The following FRMD4B variants were observed in gnomAD, a reference collection of about 807,000 sequenced individuals.
FRMD4B encodes the protein FERM domain-containing protein 4B.
Under a neutral mutation model 141.5 loss-of-function variants are expected in FRMD4B, and 74 were observed. The observed-to-expected ratio is 0.52, with a 90% CI of 0.43 to 0.63. The LOEUF (loss-of-function observed/expected upper bound fraction) is 0.63, where lower values mean the gene tolerates loss of function less well. Ranked by LOEUF, FRMD4B falls within the 30% of genes least tolerant of loss-of-function variation. FRMD4B has a pLI of 0.00. For synonymous variants in FRMD4B, 506 were observed against 467.9 expected (o/e 1.08, Z -1.05); for missense variants, 1,366 against 1,253.4 (o/e 1.09, Z -1.36).
At chr3:69,331,948 C>T (rs780068041) in intron 1 of FRMD4B, among the ~76,000 whole-genome samples, 2 of 152,082 alleles carry the variant, frequency 1.3e-5, no homozygotes, top group South Asian at 2.1e-4. Flanking sequence ...ATTAGCCTAG[C>T]GCAGTGGCTG....
intron 10 of FRMD4B, among the ~76,000 whole-genome samples, chr3:69,218,082 C>T (rs529235429): frequency 1.3e-5 from 2 of 152,226 alleles, no homozygotes; most frequent in Admixed American, 6.5e-5. Context: ...AGGTGACCAA[C>T]TGGAAAAAAG....
At chr3:69,300,480 G>A (rs147180568) in intron 4 of FRMD4B, among the ~76,000 whole-genome samples, 5 of 152,308 alleles carry the variant, frequency 3.3e-5, no homozygotes, top group Non-Finnish European at 5.9e-5. Flanking sequence ...AACCTGCTTG[G>A]AGAAGATAGA....
chr3:69,194,094 G>A (rs532556591), intron 16 of FRMD4B, among the ~76,000 whole-genome samples: 1 of 152,268 alleles, frequency 6.6e-6, no homozygotes, highest in South Asian at 2.1e-4. Flanking sequence ...TTCAAGGAAG[G>A]GAATGGCCTT....
intron 1 of FRMD4B, among the ~76,000 whole-genome samples, chr3:69,455,853 C>T (rs1370650648): frequency 6.6e-6 from 1 of 152,176 alleles, no homozygotes; most frequent in Non-Finnish European, 1.5e-5. Context: ...AAACAGACCA[C>T]AGGGCTGGCA....
intron 1 of FRMD4B, among the ~76,000 whole-genome samples, chr3:69,528,550 G>T (rs1486831800): frequency 1.3e-5 from 2 of 151,972 alleles, no homozygotes; most frequent in South Asian, 2.1e-4. Flanking sequence ...ATTTTTAGTA[G>T]AGATGGGGTT....
intron 1 of FRMD4B, among the ~76,000 whole-genome samples, chr3:69,522,643 T>G (rs1217972876): frequency 1.3e-5 from 2 of 152,110 alleles, no homozygotes; most frequent in African/African-American, 2.4e-5. Context: ...GCCAGTCAAG[T>G]ATGCATGTCC....
chr3:69,194,903 A>G (rs1182598656), intron 16 of FRMD4B, 119 bp downstream of exon 16: 2 of 871,678 alleles, frequency 2.3e-6, no homozygotes, highest in Non-Finnish European at 3.5e-6. Context: ...TACACGATCC[A>G]TCTGTACTGG....
chr3:69,283,089 A>C (rs1003547526), intron 5 of FRMD4B, among the ~76,000 whole-genome samples: 1 of 152,148 alleles, frequency 6.6e-6, no homozygotes, highest in Non-Finnish European at 1.5e-5. Flanking sequence ...TCCCATTTAG[A>C]AAGGAGCTCC....
chr3:69,356,492 C>A (rs1414790962), intron 1 of FRMD4B, among the ~76,000 whole-genome samples: 1 of 151,952 alleles, frequency 6.6e-6, no homozygotes, highest in Non-Finnish European at 1.5e-5. Context: ...GACTGGCTCT[C>A]CTTGCTCCTC....
chr3:69,196,602 C>G, intron 13 of FRMD4B: 1 of 586,158 alleles, frequency 1.7e-6, no homozygotes, highest in South Asian at 2.2e-5. Context: ...ACGTGATTTT[C>G]TCATGGTGTG....
Position 69,180,980 on chromosome 3 carries a change from T to C in FRMD4B, c.2770A>G (p.Arg924Gly), listed in dbSNP as rs530066916. The C allele has an allele frequency of 1.2e-6, 2 of 1,614,016 alleles. No individual in the cohort carries two copies. Among genetic ancestry groups the C allele is most frequent in the African/African-American group, 1.3e-5 (1 of 75,074 alleles). The change falls in exon 21 of 23, where the codon AGG (arginine) becomes GGG (glycine). Residue 924 changes from arginine (R) to glycine (G), a missense_variant. By Grantham distance (125) the Arg-to-Gly change is moderately radical (BLOSUM62 -2). Coordinates refer to ENST00000398540, the MANE Select transcript of FRMD4B (RefSeq NM_015123.3). ...HSPQTSFDSD[R>G]GSQRCLGFAG... ...AACCCCAGGCATCTCTGTGATCCCC[T>C]GTCTGAGTCAAAGCTGGTCTGCGGG...
intron 2 of FRMD4B, among the ~76,000 whole-genome samples, chr3:69,406,592 T>G (rs146221145): frequency 6.6e-6 from 1 of 152,346 alleles, no homozygotes; most frequent in East Asian, 1.9e-4. Context: ...CGTTTGCAAC[T>G]TTGCTATCAT....
At chr3:69,530,751 C>A (rs1700999100) in intron 1 of FRMD4B, among the ~76,000 whole-genome samples, 1 of 152,176 alleles carries the variant, frequency 6.6e-6, no homozygotes, top group Non-Finnish European at 1.5e-5. Context: ...CCTATAATCC[C>A]TCCCAAAGCC....
intron 1 of FRMD4B, among the ~76,000 whole-genome samples, chr3:69,341,849 A>T (rs1702749614): frequency 6.6e-6 from 1 of 152,212 alleles, no homozygotes. Flanking sequence ...ATTGAGTGCC[A>T]GCCCCTTGAT....
Position 69,474,373 on chromosome 3 carries a change from A to T in FRMD4B, c.-128-41612T>A, listed in dbSNP as rs560121335. Among the ~76,000 whole-genome samples the T allele has an allele frequency of 4.2e-4, 64 of 152,292 alleles. 1 individual carries two copies. Among genetic ancestry groups the T allele is most frequent in the Middle Eastern group, 6.8e-3 (2 of 294 alleles). On this transcript the variant is annotated intron_variant, in intron 1 of 5. Coordinates refer to the FRMD4B transcript ENST00000459638. ...AGTTGCAAATGGTCATTCCAAAACT[A>T]CCATCTGATGACGCTGAGTTAAGTT...
intron 1 of FRMD4B, among the ~76,000 whole-genome samples, chr3:69,517,254 C>T (rs1273557244): frequency 3.9e-5 from 6 of 152,116 alleles, no homozygotes; most frequent in African/African-American, 9.7e-5. Flanking sequence ...ATGCATATTT[C>T]TTGTTTTTTC....
At position 69,181,727 on chromosome 3, in the gene FRMD4B, G is replaced by A. The variant is rs1446975555; in HGVS notation, c.2040-17C>T. 6.5e-7 allele frequency: 1 copy of A among 1,540,734 alleles called. No individual in the cohort carries two copies. The highest frequency in any genetic ancestry group is 8.9e-7 in the Non-Finnish European group (1 of 1,125,082). ...GATTCGGGTCTGAAAGAGGAGAAAG[G>A]CAAACTTCTCAACACCAAGAAGAAA... is the stretch of plus-strand genomic sequence containing the variant. On this transcript the variant is annotated splice_polypyrimidine_tract_variant and intron_variant, in intron 20 of 22. Transcript: ENST00000398540.
intron 1 of FRMD4B, among the ~76,000 whole-genome samples, chr3:69,314,527 C>CAAA (rs34513769): frequency 4.8e-5 from 6 of 125,692 alleles, no homozygotes; most frequent in African/African-American, 1.5e-4. Flanking sequence ...GACTCTGTCT[C>CAAA]AAAAAAAAAA....
chr3:69,287,086 A>T (rs1289017642), intron 5 of FRMD4B, among the ~76,000 whole-genome samples: 1 of 152,244 alleles, frequency 6.6e-6, no homozygotes, highest in Non-Finnish European at 1.5e-5. Context: ...TACAAGCATG[A>T]GCTGCCATGC....
Sources: gnomAD v4.1 joint callset for allele counts (sites outside exome capture counted in the v4.1 genomes callset) on GRCh38, gnomAD v4.1.1 for gene constraint, MANE v1.5 for transcripts, NCBI Gene and HGNC (gene_info 2026-07-23, HGNC 2026-07-21) for gene names.